The following UBR4 variants were observed in gnomAD, a reference collection of about 807,000 sequenced individuals.
UBR4 encodes E3 ubiquitin-protein ligase UBR4.
Under a neutral mutation model 575.6 loss-of-function variants are expected in UBR4, and 124 were observed. That is an observed-to-expected ratio of 0.22 (90% CI 0.19 to 0.25). UBR4 has a LOEUF of 0.25. Among genes scored for constraint, UBR4 ranks in the 10% least tolerant of loss-of-function variants. The probability of loss-of-function intolerance (pLI) is 1.00; values close to 1 mark genes in which losing one functional copy is unlikely to be tolerated. For synonymous variants in UBR4, 2,455 were observed against 2,473.7 expected (o/e 0.99, Z 0.22); for missense variants, 4,818 against 6,478.8 (o/e 0.74, Z 8.80).
rs575364848 is a variant in UBR4 at position 19,093,224 on chromosome 1, G to A, written c.14111+89C>T. On this transcript the variant is annotated intron_variant, in intron 96 of 105. Coordinates refer to ENST00000375254, the MANE Select transcript of UBR4 (RefSeq NM_020765.3). This position sits in a 1 kb window ranked among gnomAD's most constrained non-coding sequence, Gnocchi z 4.8. ...GCCCCAAGGAGGGCAAGGGGCACAC[G>A]TGAAGCTTTATGCCAAGATGCTGAT... 1.7e-5 allele frequency: 26 copies of A among 1,515,304 alleles called. No individual in the cohort carries two copies. The highest frequency in any genetic ancestry group is 9.0e-5 in the East Asian group (4 of 44,252). The allele number at this position is 1,515,304 out of a possible 1,614,324, so 93.9% of individuals were successfully genotyped here.
intron 54 of UBR4, among the ~76,000 whole-genome samples, chr1:19,144,556 A>G (rs2084574856): frequency 6.6e-6 from 1 of 152,248 alleles, no homozygotes; most frequent in African/African-American, 2.4e-5. Flanking sequence ...TGTAGCAAGC[A>G]GTAGGCTGTC....
intron 3 of UBR4, 122 bp downstream of exon 3, chr1:19,199,529 A>AG: frequency 1.2e-6 from 1 of 817,378 alleles, no homozygotes; most frequent in South Asian, 1.7e-5. Context: ...GATAACATAC[A>AG]GCCTGCAAAT....
At chr1:19,116,567 TTAC>T in intron 73 of UBR4, among the ~76,000 whole-genome samples, 1 of 152,232 alleles carries the variant, frequency 6.6e-6, no homozygotes, top group Non-Finnish European at 1.5e-5. Flanking sequence ...TCTGTAAGTC[TTAC>T]TATTCAAGTA....
chr1:19,084,389 C>T (rs2076808907), intron 102 of UBR4, 115 bp downstream of exon 102: 6 of 1,148,904 alleles, frequency 5.2e-6, no homozygotes, highest in Non-Finnish European at 7.3e-6. Context: ...CTGCCTTAGG[C>T]CAGACGCTTG....
At position 19,192,532 on chromosome 1, in the gene UBR4, G is replaced by A; in HGVS notation, c.1152C>T (p.Ile384=). ...TGATTGCTTGTCCAATCATGTCATA[G>A]ATTTCGAGCTGTACAATATCAAACA... ...AATIVQKCLE[I]YDMIGQAISS... The change falls in exon 10 of 106, where the codon ATC becomes ATT. Residue 384 remains isoleucine (I), a synonymous_variant. Transcript: ENST00000375254. 6.2e-7 allele frequency: 1 copy of A among 1,614,190 alleles called. No individual in the cohort carries two copies. The highest frequency in any genetic ancestry group is 1.7e-5 in the Admixed American group (1 of 60,020).
Position 19,076,590 on chromosome 1 carries a change from G to A in UBR4, c.15487+150C>T, listed in dbSNP as rs867477501. 88 of 1,021,410 alleles carry A rather than the reference G, an allele frequency of 8.6e-5. No homozygotes were observed. In the Middle Eastern group the frequency reaches 3.6e-3, roughly 42 times the overall value. The allele number at this position is 1,021,410 out of a possible 1,614,324, so 63.3% of individuals were successfully genotyped here. Reference sequence around the variant, plus strand: ...TCGTTATCGGTGACTTGCTATTTACGCATCTTTCCCAGGGCTTTCAGTGGC... The same window carrying A: ...TCGTTATCGGTGACTTGCTATTTACACATCTTTCCCAGGGCTTTCAGTGGC... On this transcript the variant is annotated intron_variant, in intron 105 of 105. Coordinates refer to ENST00000375254, the MANE Select transcript of UBR4 (RefSeq NM_020765.3).
chr1:19,201,024 T>C (rs1379729569), intron 2 of UBR4, among the ~76,000 whole-genome samples: 1 of 151,992 alleles, frequency 6.6e-6, no homozygotes, highest in African/African-American at 2.4e-5. Flanking sequence ...TAGTCCCAGC[T>C]AGGACTGAGG....
intron 28 of UBR4, 111 bp downstream of exon 28, chr1:19,167,916 A>C: frequency 8.2e-7 from 1 of 1,213,528 alleles, no homozygotes; most frequent in Non-Finnish European, 1.1e-6. Flanking sequence ...CTTTTTGCTA[A>C]AGAAGTATAT....
At chr1:19,154,069 A>T (rs1344634786) in intron 44 of UBR4, 130 bp from the exon 45 acceptor site, 5 of 1,020,748 alleles carry the variant, frequency 4.9e-6, no homozygotes, top group Non-Finnish European at 7.2e-6. Context: ...GACTCAGATT[A>T]TCCACAGGTT....
At chr1:19,124,300 T>G (rs2149535420) in intron 65 of UBR4, among the ~76,000 whole-genome samples, 1 of 152,342 alleles carries the variant, frequency 6.6e-6, no homozygotes, top group Admixed American at 6.5e-5. Context: ...TTGCCCATTA[T>G]CAGCACGTGA....
Position 19,110,462 on chromosome 1 carries a change from T to G in UBR4, c.11895A>C (p.Ala3965=). The G allele has an allele frequency of 6.2e-7, 1 of 1,614,070 alleles. No individual in the cohort carries two copies. The highest frequency in any genetic ancestry group is 8.5e-7 in the Non-Finnish European group (1 of 1,179,994). The change falls in exon 80 of 106, where the codon GCA becomes GCC. Residue 3965 remains alanine (A), a splice_region_variant and synonymous_variant. Coordinates refer to ENST00000375254, the MANE Select transcript of UBR4 (RefSeq NM_020765.3). This position sits in a 1 kb window ranked among gnomAD's most constrained non-coding sequence, Gnocchi z 4.5. ...LKGHWANPDL[A]SSLQYEMLLL... is the part of the protein sequence containing the mutation. Reference sequence around the variant, plus strand: ...GCAGCATTTCATACTGCAGGCTACTTGCCTAGAAGGCAATGGGAAGAGACA... The same window carrying G: ...GCAGCATTTCATACTGCAGGCTACTGGCCTAGAAGGCAATGGGAAGAGACA...
chr1:19,161,029 G>A lies in UBR4; in HGVS notation c.5294C>T (p.Ala1765Val). 1 of 1,614,128 alleles carries A rather than the reference G, an allele frequency of 6.2e-7. No individual in the cohort carries two copies. The highest frequency in any genetic ancestry group is 8.5e-7 in the Non-Finnish European group (1 of 1,180,018). ...LVRHASTSSP[A>V]DKAKVTISDG... ...ACTGATGGTAACCTTGGCTTTGTCA[G>A]CTGGCGAGGAGGTGCTGGCATGACG... The change falls in exon 38 of 106, where the codon GCT becomes GTT. Residue 1765 changes from alanine to valine, a missense_variant. Coordinates refer to ENST00000375254, the MANE Select transcript of UBR4 (RefSeq NM_020765.3).
Position 19,092,883 on chromosome 1 carries a change from C to T in UBR4, c.14147G>A (p.Arg4716His), listed in dbSNP as rs767085616. The change falls in exon 97 of 106, where the codon CGC becomes CAC. Residue 4716 changes from arginine (R) to histidine (H), a missense_variant. Coordinates refer to ENST00000375254, the MANE Select transcript of UBR4 (RefSeq NM_020765.3). Reference sequence around the variant, plus strand: ...CCTTAGGATAAATGGCAAGGCTGGGCGAGACAAAAACTTTTTCCAGATGTC... The same window carrying T: ...CCTTAGGATAAATGGCAAGGCTGGGTGAGACAAAAACTTTTTCCAGATGTC... ...DADIWKKFLS[R>H]PALPFILRLL... 4 of 1,613,270 alleles carry T rather than the reference C, an allele frequency of 2.5e-6. No individual in the cohort carries two copies. Among genetic ancestry groups the T allele is most frequent in the Non-Finnish European group, 2.5e-6 (3 of 1,179,856 alleles).
intron 53 of UBR4, 31 bp downstream of exon 53, chr1:19,145,762 T>C: frequency 6.2e-7 from 1 of 1,607,588 alleles, no homozygotes; most frequent in Non-Finnish European, 8.5e-7. Context: ...CAGGCTTCAT[T>C]ACCAAGATTC....
chr1:19,167,206 G>A lies in UBR4; in HGVS notation c.3925C>T (p.Gln1309Ter). Residue 1309 changes from glutamine (Q) to a stop codon, truncating the protein, a stop_gained, in exon 29 of 106, where the codon CAG (glutamine) becomes TAG (stop). Coordinates refer to ENST00000375254, the MANE Select transcript of UBR4 (RefSeq NM_020765.3). LOFTEE classifies it high-confidence loss of function. ...IVWSDEMNPPQVIRTLLPLLL... is the reference protein window; with the variant it reads ...IVWSDEMNPP ...AGAGGTAGCAGTGTCCGAATTACCT[G>A]TGGTGGGTTCATCTCATCTGACCAA... 1 of 1,614,232 alleles carries A rather than the reference G, an allele frequency of 6.2e-7. No individual in the cohort carries two copies. Among genetic ancestry groups the A allele is most frequent in the Non-Finnish European group, 8.5e-7 (1 of 1,180,030 alleles).
At position 19,145,492 on chromosome 1, in the gene UBR4, A is replaced by G. The variant is rs1571083146; in HGVS notation, c.7945+301T>C. 4.0e-5 allele frequency among the ~76,000 whole-genome samples: 5 copies of G among 123,634 alleles called. 1 individual carries two copies. The Admixed American group carries it at 4.8e-4, about 12-fold the overall frequency. 81.1% of individuals were successfully genotyped at this position (123,634 alleles called of 152,430 possible). A position where few individuals can be genotyped will look rare whatever the true frequency, so the allele number is the denominator to read the frequency against. ...CAAGTTGTCAAAGATTTTTAAAAAC[A>G]ATTATAAACCACTGAGACACACACA... On this transcript the variant is annotated intron_variant, in intron 53 of 105. Transcript: ENST00000375254.
rs765069219 is a variant in UBR4 at position 19,084,400 on chromosome 1, C to T, written c.15008+104G>A. The T allele has an allele frequency of 5.5e-6, 7 of 1,263,330 alleles. No homozygotes were observed. The African/African-American group carries it at 7.5e-5, about 13-fold the overall frequency. The allele number at this position is 1,263,330 out of a possible 1,614,324, so 78.3% of individuals were successfully genotyped here. ...AAGGCTGCCTTAGGCCAGACGCTTG[C>T]TCCGGAACTAGCATGAGAGGCTATG... On this transcript the variant is annotated intron_variant, in intron 102 of 105. Transcript: ENST00000375254.
At chr1:19,077,916 A>G in intron 104 of UBR4, 60 bp downstream of exon 104, 1 of 1,612,240 alleles carries the variant, frequency 6.2e-7, no homozygotes. Context: ...AGTCAGGGAC[A>G]GGAGTGCAGA....
At position 19,117,853 on chromosome 1, in the gene UBR4, C is replaced by G; in HGVS notation, c.10599G>C (p.Leu3533=). ...DGYYLESDPC[L]VCNNPEVPFC... The stretch of plus-strand genomic sequence containing the variant: ...ACGGTACTTCCGGGTTATTACACAC[C>G]AGGCAGGGATCGCTCTCCAGGTAAT... Residue 3533 remains leucine (L), a synonymous_variant, in exon 72 of 106, where the codon CTG becomes CTC. Coordinates refer to ENST00000375254, the MANE Select transcript of UBR4 (RefSeq NM_020765.3). This position sits in a 1 kb window ranked among gnomAD's most constrained non-coding sequence, Gnocchi z 4.0. The G allele has an allele frequency of 6.2e-7, 1 of 1,614,182 alleles. No homozygotes were observed. Among genetic ancestry groups the G allele is most frequent in the African/African-American group, 1.3e-5 (1 of 75,052 alleles).
Sources: gnomAD v4.1 joint callset for allele counts (sites outside exome capture counted in the v4.1 genomes callset) on GRCh38, gnomAD v4.1.1 for gene constraint, Gnocchi (gnomAD v3.1) non-coding constraint, MANE v1.5 for transcripts, NCBI Gene and HGNC (gene_info 2026-07-23, HGNC 2026-07-21) for gene names.